Variants in SH3BP1 observed in about 807,000 individuals in gnomAD.
SH3BP1 encodes the protein SH3 domain-binding protein 1.
In SH3BP1, 46 loss-of-function variants were observed where a neutral mutation model predicts 69.8. That is an observed-to-expected ratio of 0.66 (90% CI 0.52 to 0.84). The LOEUF is 0.84. Among genes scored for constraint, SH3BP1 ranks in the 40% least tolerant of loss-of-function variants. The pLI, the probability that SH3BP1 is intolerant of heterozygous loss-of-function variation, is 0.00. For missense variants in SH3BP1, 868 were observed against 930.9 expected (o/e 0.93, Z 0.88); for synonymous variants, 403 against 378.0 (o/e 1.07, Z -0.77).
In SH3BP1 at chr22:37,650,657, CCCGGCTCCGGCT is replaced by C. The variant is rs758458806; in HGVS notation, c.1539_1550del (p.Pro521_Ala524del). 4.3e-6 allele frequency: 7 copies of C among 1,613,626 alleles called. No individual in the cohort carries two copies. The highest frequency in any genetic ancestry group is 2.2e-5 in the South Asian group (2 of 91,076). ...CTGCCGTGCCCACCCCAGCCACCAC[CCCGGCTCCGGCT>C]CCGGCTCCAGCTCCAGCTCCGGCCC... On this transcript the variant is annotated inframe_deletion, in exon 16 of 18. Coordinates refer to ENST00000649765, the MANE Select transcript of SH3BP1 (RefSeq NM_018957.6).
At chr22:37,650,409 G>A in intron 15 of SH3BP1, 133 bp from the exon 16 acceptor site, 4 of 1,491,188 alleles carry the variant, frequency 2.7e-6, no homozygotes, top group Non-Finnish European at 3.6e-6. Flanking sequence ...TGGGGTGGTG[G>A]TGAGGCTCAC....
At chr22:37,654,016 A>G in intron 17 of SH3BP1, 143 bp downstream of exon 17, 1 of 642,562 alleles carries the variant, frequency 1.6e-6, no homozygotes. Context: ...GCCACCTGGC[A>G]CTCTGGGTTT....
At chr22:37,652,748 C>T (rs9610825) in intron 16 of SH3BP1, among the ~76,000 whole-genome samples, 1,707 of 148,688 alleles carry the variant, frequency 0.011, 25 homozygotes, top group Admixed American at 0.043. Flanking sequence ...TGGCTTGAAC[C>T]GGGGAGGCAG....
At chr22:37,641,721 G>A (rs1932605699) in intron 3 of SH3BP1, 1 of 508,196 alleles carries the variant, frequency 2.0e-6, no homozygotes, top group African/African-American at 1.9e-5. Context: ...GACAGCACCT[G>A]AACTTCTCTG....
chr22:37,649,010 T>A (rs1045378174), intron 14 of SH3BP1, among the ~76,000 whole-genome samples: 3 of 151,926 alleles, frequency 2.0e-5, no homozygotes, highest in African/African-American at 7.3e-5. Context: ...AGGTGTGAGC[T>A]GCCGCGCCTG....
Position 37,653,776 on chromosome 22 carries a change from C to A in SH3BP1, c.1599-3C>A. 1 of 1,609,392 alleles carries A rather than the reference C, an allele frequency of 6.2e-7. No individual in the cohort carries two copies. Among genetic ancestry groups the A allele is most frequent in the Non-Finnish European group, 8.5e-7 (1 of 1,176,190 alleles). ...CTGCCCCATCCTCTCCTTCCCTCTG[C>A]AGGACAGAGTCTGAGGTGCCTCCCA... is the stretch of plus-strand genomic sequence containing the variant. On this transcript the variant is annotated splice_polypyrimidine_tract_variant and splice_region_variant and intron_variant, in intron 16 of 17. Coordinates refer to ENST00000649765, the MANE Select transcript of SH3BP1 (RefSeq NM_018957.6).
intron 3 of SH3BP1, 83 bp downstream of exon 3, chr22:37,641,561 T>C: frequency 8.3e-7 from 1 of 1,200,694 alleles, no homozygotes. Flanking sequence ...TGGGGTTTCC[T>C]TGCCAGTCTG....
At position 37,641,111 on chromosome 22, in the gene SH3BP1, C is replaced by T. The variant is rs996550587; in HGVS notation, c.60-15C>T. 1.0e-5 allele frequency: 14 copies of T among 1,359,314 alleles called. No homozygotes were observed. Among genetic ancestry groups the T allele is most frequent in the Non-Finnish European group, 1.3e-5 (13 of 996,032 alleles). 84.2% of individuals were successfully genotyped at this position (1,359,314 alleles called of 1,614,324 possible). Reference sequence around the variant, plus strand: ...GCAGAAGCACTCTCCCCCCCCCCCCCACCACTCCCCGCAGCACCCCGGAGA... The same window carrying T: ...GCAGAAGCACTCTCCCCCCCCCCCCTACCACTCCCCGCAGCACCCCGGAGA... On this transcript the variant is annotated splice_polypyrimidine_tract_variant and intron_variant, in intron 1 of 17. Coordinates refer to ENST00000649765, the MANE Select transcript of SH3BP1 (RefSeq NM_018957.6).
intron 1 of SH3BP1, chr22:37,640,749 G>C: frequency 1.1e-5 from 3 of 279,298 alleles, no homozygotes; most frequent in South Asian, 4.0e-5. Flanking sequence ...TGCACTTCCC[G>C]TTCTTGGGGC....
rs373094119 is a variant in SH3BP1 at position 37,642,720 on chromosome 22, G to C, written c.284+105G>C. ...GCATCCACATCAGAAGAATGACCAG[G>C]CTGGGGACAGTTCCCAGGTCAGTGA... On this transcript the variant is annotated intron_variant, in intron 4 of 17. Coordinates refer to ENST00000649765, the MANE Select transcript of SH3BP1 (RefSeq NM_018957.6). The C allele has an allele frequency of 6.0e-5, 96 of 1,606,540 alleles. No individual in the cohort carries two copies. In the East Asian group the frequency reaches 1.9e-3, roughly 32 times the overall value.
chr22:37,649,600 A>G (rs914896739), intron 14 of SH3BP1, among the ~76,000 whole-genome samples: 7 of 152,158 alleles, frequency 4.6e-5, no homozygotes, highest in Admixed American at 3.9e-4. Context: ...CCTGGCCAAC[A>G]TGGTGAAACT....
chr22:37,647,968 G>C (rs553792809), intron 13 of SH3BP1, among the ~76,000 whole-genome samples: 4 of 152,228 alleles, frequency 2.6e-5, no homozygotes, highest in Non-Finnish European at 5.9e-5. Flanking sequence ...GAGGCACTGC[G>C]CCCAGCCGGA....
rs1303751298 is a variant in SH3BP1 at position 37,641,093 on chromosome 22, C to T, written c.60-33C>T. 3 of 1,400,924 alleles carry T rather than the reference C, an allele frequency of 2.1e-6. No homozygotes were observed. The East Asian group carries it at 7.5e-5, about 35-fold the overall frequency. The allele number at this position is 1,400,924 out of a possible 1,614,324, so 86.8% of individuals were successfully genotyped here. A position where few individuals can be genotyped will look rare whatever the true frequency, so the allele number is the denominator to read the frequency against. On this transcript the variant is annotated intron_variant, in intron 1 of 17. Transcript: ENST00000649765. ...CTAACCCAGGCAGGCTCAGCAGAAG[C>T]ACTCTCCCCCCCCCCCCCACCACTC...
At chr22:37,647,617 T>G (rs971298665) in intron 13 of SH3BP1, 96 bp downstream of exon 13, 2 of 849,984 alleles carry the variant, frequency 2.4e-6, no homozygotes, top group African/African-American at 3.5e-5. Context: ...GCCTTGCCAC[T>G]GTATCCTAAG....
chr22:37,642,210 C>G, intron 3 of SH3BP1: 1 of 361,676 alleles, frequency 2.8e-6, no homozygotes, highest in South Asian at 3.1e-5. Flanking sequence ...AGCTCCCGCT[C>G]CCATTCTCCC....
At chr22:37,652,455 C>A (rs1932899850) in intron 16 of SH3BP1, among the ~76,000 whole-genome samples, 1 of 152,110 alleles carries the variant, frequency 6.6e-6, no homozygotes. Flanking sequence ...ATTTCTTGAC[C>A]CTAGGAGGTC....
In SH3BP1 at chr22:37,647,352, A is replaced by G. The variant is rs1254355147; in HGVS notation, c.1118+4A>G. The stretch of plus-strand genomic sequence containing the variant: ...ATGACTGGATGAGGGCAGCCAGGTG[A>G]GGATGTTGGAGGAGGGAGGGGATGG... On this transcript the variant is annotated splice_donor_region_variant and intron_variant, in intron 12 of 17. Coordinates refer to ENST00000649765, the MANE Select transcript of SH3BP1 (RefSeq NM_018957.6). The G allele has an allele frequency of 2.5e-6, 4 of 1,613,616 alleles. No homozygotes were observed. The highest frequency in any genetic ancestry group is 3.4e-6 in the Non-Finnish European group (4 of 1,179,814).
Position 37,655,623 on chromosome 22 carries a change from C to T in SH3BP1, c.2045C>T (p.Pro682Leu). The T allele has an allele frequency of 6.5e-7, 1 of 1,543,158 alleles. No individual in the cohort carries two copies. Among genetic ancestry groups the T allele is most frequent in the Non-Finnish European group, 8.8e-7 (1 of 1,142,342 alleles). The part of the protein sequence containing the change: ...GGAPEAISGV[P>L]TPPAIPPQPR... ...GCCCCTGAGGCTATCAGTGGGGTCC[C>T]CACTCCCCCAGCTATCCCCCCTCAG... The change falls in exon 18 of 18, where the codon CCC becomes CTC. Residue 682 changes from proline (P) to leucine (L), a missense_variant. By Grantham distance (98) the Pro-to-Leu change is moderately conservative (BLOSUM62 -3). Coordinates refer to ENST00000649765, the MANE Select transcript of SH3BP1 (RefSeq NM_018957.6).
Position 37,646,809 on chromosome 22 carries a change from C to T in SH3BP1, c.925-9C>T, listed in dbSNP as rs570614019. The T allele has an allele frequency of 1.3e-6, 2 of 1,509,854 alleles. No homozygotes were observed. The highest frequency in any genetic ancestry group is 1.3e-5 in the South Asian group (1 of 79,504). 93.5% of individuals were successfully genotyped at this position (1,509,854 alleles called of 1,614,324 possible). On this transcript the variant is annotated splice_polypyrimidine_tract_variant and intron_variant, in intron 10 of 17. Transcript: ENST00000649765. ...TCTGTGACCCTTGCCTGCCTCCTCT[C>T]GAACCCAGGGTCTCTTCCGTCTGGC...
Sources: allele counts gnomAD v4.1 joint callset (sites outside exome capture counted in the v4.1 genomes callset), GRCh38; gene constraint gnomAD v4.1.1; transcripts MANE v1.5; gene names NCBI Gene and HGNC (gene_info 2026-07-23, HGNC 2026-07-21).